PPP2R5C: variants seen among roughly 807,000 people sequenced by gnomAD.
PPP2R5C encodes the protein serine/threonine-protein phosphatase 2A 56 kDa regulatory subunit gamma isoform.
PPP2R5C carries 7 observed loss-of-function variants against 68.9 expected under a neutral mutation model. That is an observed-to-expected ratio of 0.10 (90% CI 0.06 to 0.19). PPP2R5C has a LOEUF of 0.19. Ranked by LOEUF, PPP2R5C falls within the 10% of genes least tolerant of loss-of-function variation. The probability of loss-of-function intolerance (pLI) is 1.00; values close to 1 mark genes in which losing one functional copy is unlikely to be tolerated. For synonymous variants in PPP2R5C, 210 were observed against 222.2 expected (o/e 0.95, Z 0.49); for missense variants, 348 against 641.3 (o/e 0.54, Z 4.94).
At position 101,825,968 on chromosome 14, in the gene PPP2R5C, G is replaced by C. The variant is rs563212413; in HGVS notation, c.94+15932G>C. 6.6e-6 allele frequency among the ~76,000 whole-genome samples: 1 copy of C among 152,306 alleles called. No homozygotes were observed. The highest frequency in any genetic ancestry group is 2.1e-4 in the South Asian group (1 of 4,828). ...GAGGGAACTGACCAAGGATCGGTGA[G>C]AATAGGAGGTGGCCCAGAGGGCATG... On this transcript the variant is annotated intron_variant, in intron 1 of 13. Coordinates refer to ENST00000334743, the Ensembl canonical transcript of PPP2R5C. The surrounding 1 kb of genome is among the most constrained non-coding windows in gnomAD (Gnocchi z 4.0).
At chr14:101,778,841 C>G (rs1439745605) in intron 2 of PPP2R5C, among the ~76,000 whole-genome samples, 1 of 152,154 alleles carries the variant, frequency 6.6e-6, no homozygotes, top group Non-Finnish European at 1.5e-5. Flanking sequence ...GATTGGATTG[C>G]TTGAGCTTAG....
intron 1 of PPP2R5C, among the ~76,000 whole-genome samples, chr14:101,846,207 G>A (rs1334478512): frequency 1.3e-5 from 2 of 152,196 alleles, no homozygotes; most frequent in Admixed American, 6.5e-5. Flanking sequence ...GGAGGGAGGC[G>A]GGGACATTGG....
chr14:101,790,851 C>T (rs1420788384), intron 3 of PPP2R5C, among the ~76,000 whole-genome samples: 2 of 152,188 alleles, frequency 1.3e-5, no homozygotes, highest in Admixed American at 6.5e-5. Flanking sequence ...GAGGCCGAGG[C>T]GGGCGGATCA....
intron 1 of PPP2R5C, chr14:101,836,151 A>G: frequency 1.5e-6 from 1 of 685,038 alleles, no homozygotes; most frequent in South Asian, 1.5e-5. Context: ...AGCAGCTGAA[A>G]GGTTTTTTTT....
chr14:101,819,816 G>A (rs2039940884), intron 1 of PPP2R5C: 1 of 152,486 alleles, frequency 6.6e-6, no homozygotes, highest in Non-Finnish European at 1.5e-5. Context: ...TAGAGCTGGG[G>A]TCTCACTGGG....
intron 2 of PPP2R5C, among the ~76,000 whole-genome samples, chr14:101,771,222 C>CTGT (rs373554849): frequency 2.0e-4 from 27 of 135,490 alleles, no homozygotes; most frequent in East Asian, 2.3e-4. Flanking sequence ...TTCTTCATCT[C>CTGT]GTGTGTGTGT....
intron 1 of PPP2R5C, among the ~76,000 whole-genome samples, chr14:101,816,913 A>G (rs970179419): frequency 7.4e-4 from 104 of 139,948 alleles, no homozygotes; most frequent in Non-Finnish European, 1.4e-3. Flanking sequence ...TATATATAAT[A>G]TATATATTTA....
intron 1 of PPP2R5C, among the ~76,000 whole-genome samples, chr14:101,821,685 A>T (rs1197101839): frequency 6.6e-6 from 1 of 152,064 alleles, no homozygotes. Flanking sequence ...TACTGTGTAT[A>T]CATACGTTAC....
Position 101,825,211 on chromosome 14 carries a change from CGTGTGTGTGTGT to C in PPP2R5C, c.94+15202_94+15213del, listed in dbSNP as rs10588262. Among the ~76,000 whole-genome samples, 1,102 of 143,110 alleles carry C rather than the reference CGTGTGTGTGTGT, an allele frequency of 7.7e-3. 5 individuals carry two copies. Among genetic ancestry groups the C allele is most frequent in the Non-Finnish European group, 0.012 (794 of 65,228 alleles). 93.9% of individuals were successfully genotyped at this position (143,110 alleles called of 152,430 possible). A position where few individuals can be genotyped will look rare whatever the true frequency, so the allele number is the denominator to read the frequency against. ...AGGGATAGGATAAGAGGGTTTTCAGCGTGTGTGTGTGTGTGTGTGTGTGTGTGTGTGTGTGTG... is the reference window on the plus strand; with the variant it reads ...AGGGATAGGATAAGAGGGTTTTCAGCGTGTGTGTGTGTGTGTGTGTGTGTG... On this transcript the variant is annotated intron_variant, in intron 1 of 13. Coordinates refer to ENST00000334743, the Ensembl canonical transcript of PPP2R5C. The surrounding 1 kb of genome is among the most constrained non-coding windows in gnomAD (Gnocchi z 4.0).
intron 3 of PPP2R5C, among the ~76,000 whole-genome samples, chr14:101,791,106 AAAAG>A (rs1331876055): frequency 6.6e-6 from 1 of 152,162 alleles, no homozygotes; most frequent in Non-Finnish European, 1.5e-5. Context: ...AAAGAAAAGA[AAAAG>A]AAACTGCCAA....
intron 8 of PPP2R5C, among the ~76,000 whole-genome samples, chr14:101,897,992 C>CA (rs35907957): frequency 0.19 from 26,558 of 143,180 alleles, 3,106 homozygotes; most frequent in African/African-American, 0.34. Context: ...TCCTCTCTAC[C>CA]AAAAAAAAAA....
chr14:101,901,571 G>C, intron 8 of PPP2R5C, 148 bp from the exon 11 acceptor site: 1 of 716,090 alleles, frequency 1.4e-6, no homozygotes, highest in Admixed American at 2.7e-5. Context: ...TATGATGACT[G>C]AGTCACTGTT....
At chr14:101,788,028 G>A (rs903740355) in intron 3 of PPP2R5C, among the ~76,000 whole-genome samples, 4 of 152,152 alleles carry the variant, frequency 2.6e-5, no homozygotes, top group Non-Finnish European at 5.9e-5. Context: ...CCTGGAGTGA[G>A]CAACCCATTG....
exon 14 of PPP2R5C, chr14:101,925,267 C>A: frequency 6.2e-7 from 1 of 1,612,678 alleles, no homozygotes; most frequent in Non-Finnish European, 8.5e-7. Context: ...CCAGGACGGC[C>A]GCTAGCCTCC....
At chr14:101,901,731 C>T in exon 9 of PPP2R5C, 2 of 1,613,512 alleles carry the variant, frequency 1.2e-6, no homozygotes, top group South Asian at 2.2e-5. Context: ...GGTGATGGCA[C>T]TTCTCAAATA....
intron 1 of PPP2R5C, among the ~76,000 whole-genome samples, chr14:101,853,960 C>T (rs2042287232): frequency 2.6e-5 from 4 of 152,046 alleles, no homozygotes; most frequent in African/African-American, 9.7e-5. Context: ...ACAACACACA[C>T]GAGCTCATTT....
chr14:101,883,930 T>C (rs537919750), intron 5 of PPP2R5C, among the ~76,000 whole-genome samples: 2 of 152,122 alleles, frequency 1.3e-5, no homozygotes, highest in Non-Finnish European at 2.9e-5. Flanking sequence ...ACAGGACGCA[T>C]AGGATAGATG....
intron 2 of PPP2R5C, among the ~76,000 whole-genome samples, chr14:101,858,341 G>A (rs947826041): frequency 1.3e-5 from 2 of 151,734 alleles, no homozygotes; most frequent in African/African-American, 2.4e-5. Flanking sequence ...TTTCTTTTAG[G>A]TATGGATATG....
At chr14:101,785,987 T>C in intron 2 of PPP2R5C, 31 bp from the exon 3 acceptor site, 5 of 1,511,344 alleles carry the variant, frequency 3.3e-6, no homozygotes, top group Non-Finnish European at 4.4e-6. Flanking sequence ...CCATTGTACA[T>C]ATTCATTTGT....
Sources: gnomAD v4.1 joint callset for allele counts (sites outside exome capture counted in the v4.1 genomes callset) on GRCh38, gnomAD v4.1.1 for gene constraint, Gnocchi (gnomAD v3.1) non-coding constraint, MANE v1.5 for transcripts, NCBI Gene and HGNC (gene_info 2026-07-23, HGNC 2026-07-21) for gene names.